TMEM266: variants seen among roughly 807,000 people sequenced by gnomAD.
TMEM266 encodes Hv1 related protein 1.
In TMEM266, 33 loss-of-function variants were observed where a neutral mutation model predicts 50.5. The observed-to-expected ratio is 0.65, with a 90% CI of 0.50 to 0.87. The LOEUF (loss-of-function observed/expected upper bound fraction) is 0.87, where lower values mean the gene tolerates loss of function less well. Ranked by LOEUF, TMEM266 falls within the 40% of genes least tolerant of loss-of-function variation. The pLI, the probability that TMEM266 is intolerant of heterozygous loss-of-function variation, is 0.00. For synonymous variants in TMEM266, 310 were observed against 292.3 expected, an observed-to-expected ratio of 1.06 and a Z score of -0.62; for missense variants, 655 against 695.1, an observed-to-expected ratio of 0.94 and a Z score of 0.65.
chr15:76,197,095 G>A (rs1053585728), intron 9 of TMEM266, among the ~76,000 whole-genome samples: 1 of 152,186 alleles, frequency 6.6e-6, no homozygotes, highest in African/African-American at 2.4e-5. Context: ...CCTGCTCTGT[G>A]CCAGCCTCTG....
intron 4 of TMEM266, 125 bp downstream of exon 4, chr15:76,156,883 T>C: frequency 1.1e-5 from 11 of 1,021,212 alleles, no homozygotes; most frequent in Middle Eastern, 2.1e-4. Flanking sequence ...CTGCCCAGCC[T>C]CAGGCCCTGG....
intron 3 of TMEM266, among the ~76,000 whole-genome samples, chr15:76,147,227 C>G (rs2037770010): frequency 1.3e-5 from 2 of 152,194 alleles, no homozygotes; most frequent in Admixed American, 6.5e-5. Context: ...TAATTCCATG[C>G]TTTCTCCACA....
At chr15:76,110,930 G>A (rs1241986043) in intron 1 of TMEM266, among the ~76,000 whole-genome samples, 1 of 152,076 alleles carries the variant, frequency 6.6e-6, no homozygotes, top group African/African-American at 2.4e-5. Flanking sequence ...AAACAACAAC[G>A]GGATACTATT....
intron 7 of TMEM266, among the ~76,000 whole-genome samples, chr15:76,171,595 A>G (rs751316765): frequency 7.2e-5 from 11 of 152,162 alleles, no homozygotes; most frequent in Non-Finnish European, 1.5e-4. Context: ...TGAGTCCACC[A>G]AGGACAATCT....
rs1012398423 is a variant in TMEM266, at chr15:76,098,515, G to A, written c.-96-35653G>A. Among the ~76,000 whole-genome samples the A allele has an allele frequency of 9.2e-5, 14 of 152,184 alleles. No homozygotes were observed. In the South Asian group the frequency reaches 1.7e-3, roughly 18 times the overall value. On this transcript the variant is annotated intron_variant, in intron 1 of 10. Coordinates refer to ENST00000388942, the MANE Select transcript of TMEM266 (RefSeq NM_152335.3). ...AGCTCTCCTGTATGAGGTGTCTGTCGGCCCCTACTGGGAGCTGTCTCCCAG... is the reference window on the plus strand; with the variant it reads ...AGCTCTCCTGTATGAGGTGTCTGTCAGCCCCTACTGGGAGCTGTCTCCCAG...
At chr15:76,099,550 T>C (rs527954783) in intron 1 of TMEM266, among the ~76,000 whole-genome samples, 158 of 152,340 alleles carry the variant, frequency 1.0e-3, no homozygotes, top group African/African-American at 3.6e-3. Context: ...CCAGGTGCTA[T>C]TTTTAAACCC....
At chr15:76,134,376 A>C in intron 2 of TMEM266, 75 bp downstream of exon 2, 2 of 1,479,496 alleles carry the variant, frequency 1.4e-6, no homozygotes, top group South Asian at 1.2e-5. Context: ...AGATCTTCTA[A>C]TTTAGGCAGC....
intron 1 of TMEM266, among the ~76,000 whole-genome samples, chr15:76,087,187 C>T (rs2036789803): frequency 1.3e-5 from 2 of 151,942 alleles, no homozygotes; most frequent in African/African-American, 2.4e-5. Flanking sequence ...AGAAAAAAGA[C>T]TTCTTTGGAA....
chr15:76,081,128 T>G (rs966344834), intron 1 of TMEM266, among the ~76,000 whole-genome samples: 11 of 152,184 alleles, frequency 7.2e-5, no homozygotes, highest in East Asian at 3.9e-4. Flanking sequence ...ATAATCACTC[T>G]CTCTGGTTAC....
chr15:76,115,043 G>A (rs1197338883), intron 1 of TMEM266, among the ~76,000 whole-genome samples: 1 of 152,194 alleles, frequency 6.6e-6, no homozygotes, highest in Non-Finnish European at 1.5e-5. Flanking sequence ...AACCAAGGCA[G>A]GAAGATTGCT....
At chr15:76,060,280 G>T (rs1054648321) in intron 1 of TMEM266, among the ~76,000 whole-genome samples, 8 of 151,974 alleles carry the variant, frequency 5.3e-5, no homozygotes, top group Non-Finnish European at 8.8e-5. Flanking sequence ...CCCTGGTTCG[G>T]GTCCAGCTGC....
chr15:76,169,039 G>A (rs1253286528), intron 5 of TMEM266, among the ~76,000 whole-genome samples: 1 of 152,244 alleles, frequency 6.6e-6, no homozygotes, highest in Non-Finnish European at 1.5e-5. Context: ...GCTTGGGGTT[G>A]TTGGGGACCC....
intron 1 of TMEM266, among the ~76,000 whole-genome samples, chr15:76,095,378 G>T (rs2036908428): frequency 6.6e-6 from 1 of 151,998 alleles, no homozygotes; most frequent in Admixed American, 6.6e-5. Flanking sequence ...TAATCATGTT[G>T]TTTTTGTCAT....
At chr15:76,085,973 G>A (rs1278892677) in intron 1 of TMEM266, among the ~76,000 whole-genome samples, 1 of 151,926 alleles carries the variant, frequency 6.6e-6, no homozygotes, top group Admixed American at 6.6e-5. Context: ...GATTGAACCT[G>A]GGAGGTGGAG....
At chr15:76,188,584 G>A (rs2007928) in intron 8 of TMEM266, among the ~76,000 whole-genome samples, 103,746 of 151,942 alleles carry the variant, frequency 0.68, 35,953 homozygotes, top group Middle Eastern at 0.82. Context: ...CCCGGGTGAC[G>A]GAGCAAGACT....
At chr15:76,115,326 A>T (rs1340577006) in intron 1 of TMEM266, among the ~76,000 whole-genome samples, 1 of 152,152 alleles carries the variant, frequency 6.6e-6, no homozygotes, top group Non-Finnish European at 1.5e-5. Context: ...CCATCACCTG[A>T]TGTGAACGTG....
intron 4 of TMEM266, among the ~76,000 whole-genome samples, chr15:76,158,434 C>G (rs1816308650): frequency 6.6e-6 from 1 of 152,150 alleles, no homozygotes; most frequent in African/African-American, 2.4e-5. Context: ...GAGACCTGCC[C>G]ATAACAGAGC....
At chr15:76,177,648 G>A (rs1004551255) in intron 8 of TMEM266, among the ~76,000 whole-genome samples, 1 of 152,284 alleles carries the variant, frequency 6.6e-6, no homozygotes, top group African/African-American at 2.4e-5. Flanking sequence ...TGTCCCGAGA[G>A]CAGGGCAGGC....
intron 1 of TMEM266, among the ~76,000 whole-genome samples, chr15:76,125,858 A>T (rs2142022679): frequency 6.6e-6 from 1 of 151,694 alleles, no homozygotes; most frequent in Non-Finnish European, 1.5e-5. Flanking sequence ...AAAAAAAAAA[A>T]AAAAAAGGCA....
Sources: allele counts gnomAD v4.1 joint callset (sites outside exome capture counted in the v4.1 genomes callset), GRCh38; gene constraint gnomAD v4.1.1; transcripts MANE v1.5; gene names NCBI Gene and HGNC (gene_info 2026-07-23, HGNC 2026-07-21).